WSCD2: variants seen among roughly 807,000 people sequenced by gnomAD.
WSCD2 encodes the protein sialate:O-sulfotransferase 2.
WSCD2 carries 28 observed loss-of-function variants against 55.7 expected under a neutral mutation model. The observed-to-expected ratio is 0.50, with a 90% CI of 0.37 to 0.69. WSCD2 has a LOEUF of 0.69. WSCD2 is among the 30% of genes least tolerant of loss of function. The pLI is 0.00. For synonymous variants in WSCD2, 301 were observed against 301.9 expected (o/e 1.00, Z 0.03); for missense variants, 616 against 762.1 (o/e 0.81, Z 2.26).
chr12:108,215,123 A>T (rs1449637978), intron 4 of WSCD2, among the ~76,000 whole-genome samples: 1 of 152,244 alleles, frequency 6.6e-6, no homozygotes, highest in Non-Finnish European at 1.5e-5. Context: ...ATGGGACCCC[A>T]TGAGCTCTTC....
chr12:108,240,264 A>G, intron 7 of WSCD2, 80 bp from the exon 8 acceptor site: 1 of 1,552,920 alleles, frequency 6.4e-7, no homozygotes, highest in Admixed American at 1.7e-5. Flanking sequence ...AGGATTCCCG[A>G]GGTGGCCCAG....
chr12:108,188,317 T>C (rs1882763231), intron 1 of WSCD2, among the ~76,000 whole-genome samples: 1 of 152,102 alleles, frequency 6.6e-6, no homozygotes, highest in Non-Finnish European at 1.5e-5. Flanking sequence ...GGTGAAGCTT[T>C]CCTGGTGTGT....
At chr12:108,211,919 T>C (rs1886242632) in intron 4 of WSCD2, among the ~76,000 whole-genome samples, 1 of 151,104 alleles carries the variant, frequency 6.6e-6, no homozygotes, top group Non-Finnish European at 1.5e-5. Context: ...CACCTCAGGC[T>C]CCCAAAGTGC....
intron 4 of WSCD2, among the ~76,000 whole-genome samples, chr12:108,218,940 A>C (rs1378200878): frequency 1.3e-5 from 2 of 152,156 alleles, no homozygotes; most frequent in South Asian, 2.1e-4. Context: ...CTCTCTTCTT[A>C]TGATGCATTT....
At position 108,171,179 on chromosome 12, in the gene WSCD2, T is replaced by C. The variant is rs996112074; in HGVS notation, c.-551-24103T>C. On this transcript the variant is annotated intron_variant, in intron 1 of 8. Transcript: ENST00000547525. ...CCAAAAGAACCTAGTTTTCTAGCTC[T>C]TAGGAAGACCTCTCTGACATGCAAA... Among the ~76,000 whole-genome samples, 130 of 152,192 alleles carry C rather than the reference T, an allele frequency of 8.5e-4. 1 individual carries two copies. Among genetic ancestry groups the C allele is most frequent in the Non-Finnish European group, 2.9e-4 (20 of 68,022 alleles).
At chr12:108,228,579 G>C (rs1271483081) in intron 6 of WSCD2, among the ~76,000 whole-genome samples, 2 of 152,250 alleles carry the variant, frequency 1.3e-5, no homozygotes, top group Non-Finnish European at 2.9e-5. Flanking sequence ...ATATGTGGTA[G>C]AGCAGGTTGA....
intron 1 of WSCD2, among the ~76,000 whole-genome samples, chr12:108,131,145 G>C (rs1248306962): frequency 1.3e-5 from 2 of 152,126 alleles, no homozygotes; most frequent in Admixed American, 1.3e-4. Context: ...ATTCCTCCAG[G>C]GCGTCAGAAT....
chr12:108,149,489 A>G lies in WSCD2; in HGVS notation c.-552+19563A>G, dbSNP rs191145979. ...TCAGTATGCACCAACATCGGCCCCC[A>G]CCAGCCAGGCCCCCATTCCTGTGAT... is the stretch of plus-strand genomic sequence containing the variant. On this transcript the variant is annotated intron_variant, in intron 1 of 8. Coordinates refer to ENST00000547525, the MANE Select transcript of WSCD2 (RefSeq NM_014653.4). Among the ~76,000 whole-genome samples the G allele has an allele frequency of 2.5e-3, 375 of 152,250 alleles. 1 individual carries two copies. Among genetic ancestry groups the G allele is most frequent in the African/African-American group, 8.7e-3 (360 of 41,556 alleles).
At chr12:108,162,655 G>T (rs980905661) in intron 1 of WSCD2, among the ~76,000 whole-genome samples, 58 of 152,288 alleles carry the variant, frequency 3.8e-4, no homozygotes, top group African/African-American at 1.4e-3. Flanking sequence ...GAGAGGAACA[G>T]GGCTCAGACC....
intron 7 of WSCD2, among the ~76,000 whole-genome samples, chr12:108,237,739 A>G (rs1889381899): frequency 6.6e-6 from 1 of 152,238 alleles, no homozygotes; most frequent in African/African-American, 2.4e-5. Context: ...TCCTCAGGCA[A>G]CCAGAATCTG....
intron 1 of WSCD2, among the ~76,000 whole-genome samples, chr12:108,153,989 C>G (rs1438004628): frequency 6.6e-6 from 1 of 152,046 alleles, no homozygotes; most frequent in African/African-American, 2.4e-5. Flanking sequence ...TTTTCTTAGT[C>G]TAGATGAAGT....
chr12:108,244,602 C>G, intron 8 of WSCD2: 1 of 702,356 alleles, frequency 1.4e-6, no homozygotes, highest in Middle Eastern at 2.6e-4. Flanking sequence ...TCCAGATCAC[C>G]ACTTTGCAGA....
chr12:108,221,037 A>G (rs985568093), intron 4 of WSCD2, among the ~76,000 whole-genome samples: 1 of 152,118 alleles, frequency 6.6e-6, no homozygotes, highest in African/African-American at 2.4e-5. Flanking sequence ...TCTATCGCCT[A>G]TGGCTGCTGT....
At chr12:108,132,778 G>A (rs113549892) in intron 1 of WSCD2, among the ~76,000 whole-genome samples, 2,701 of 152,296 alleles carry the variant, frequency 0.018, 81 homozygotes, top group African/African-American at 0.061. Flanking sequence ...ATGTGTATGT[G>A]GGCATTTCTC....
chr12:108,140,240 T>G (rs909852901), intron 1 of WSCD2, among the ~76,000 whole-genome samples: 3 of 152,160 alleles, frequency 2.0e-5, no homozygotes, highest in Non-Finnish European at 4.4e-5. Context: ...AAAACTGAGA[T>G]ACAAAACTGG....
At chr12:108,145,570 C>T (rs1295590051) in intron 1 of WSCD2, among the ~76,000 whole-genome samples, 2 of 152,304 alleles carry the variant, frequency 1.3e-5, no homozygotes, top group Non-Finnish European at 2.9e-5. Context: ...AACTGCTTTG[C>T]AAAACTGTTC....
rs1189650075 is a variant in WSCD2 at position 108,210,663 on chromosome 12, G to A, written c.682+358G>A. On this transcript the variant is annotated intron_variant, in intron 4 of 8. Transcript: ENST00000547525. The surrounding 1 kb of genome is among the most constrained non-coding windows in gnomAD (Gnocchi z 4.3). The stretch of plus-strand genomic sequence containing the variant: ...TCTAATGATGATGATGGTGGTAATG[G>A]CAATAGCAAACACTTTGTCCTTTTC... Among the ~76,000 whole-genome samples the A allele has an allele frequency of 1.3e-5, 2 of 152,188 alleles. No homozygotes were observed. The highest frequency in any genetic ancestry group is 2.9e-5 in the Non-Finnish European group (2 of 68,038).
chr12:108,238,511 A>G (rs1310338780), intron 7 of WSCD2, among the ~76,000 whole-genome samples: 1 of 152,202 alleles, frequency 6.6e-6, no homozygotes, highest in Non-Finnish European at 1.5e-5. Flanking sequence ...CCATACTCCA[A>G]GGTTTGATGA....
At chr12:108,150,757 C>T (rs549271922) in intron 1 of WSCD2, among the ~76,000 whole-genome samples, 113 of 152,268 alleles carry the variant, frequency 7.4e-4, no homozygotes, top group South Asian at 2.1e-4. Flanking sequence ...CGACTGCCCC[C>T]GCACACAAGT....
Sources: gnomAD v4.1 joint callset for allele counts (sites outside exome capture counted in the v4.1 genomes callset) on GRCh38, gnomAD v4.1.1 for gene constraint, Gnocchi (gnomAD v3.1) non-coding constraint, MANE v1.5 for transcripts, NCBI Gene and HGNC (gene_info 2026-07-23, HGNC 2026-07-21) for gene names.